CAP1: variants seen among roughly 807,000 people sequenced by gnomAD.
CAP1 encodes the protein adenylyl cyclase-associated protein 1.
CAP1 carries 11 observed loss-of-function variants against 58.2 expected under a neutral mutation model. The ratio of observed to expected loss-of-function variants is 0.19; its 90% confidence interval spans 0.12 to 0.31. The LOEUF (loss-of-function observed/expected upper bound fraction) is 0.31. Ranked by LOEUF, CAP1 falls within the 10% of genes least tolerant of loss-of-function variation. The probability of loss-of-function intolerance (pLI) is 1.00; values close to 1 mark genes in which losing one functional copy is unlikely to be tolerated. For missense variants in CAP1, 423 were observed against 587.5 expected, an observed-to-expected ratio of 0.72 and a Z score of 2.89; for synonymous variants, 183 against 213.8, an observed-to-expected ratio of 0.86 and a Z score of 1.26.
At chr1:40,070,074 C>T in intron 9 of CAP1, 85 bp from the exon 10 acceptor site, 1 of 1,581,228 alleles carries the variant, frequency 6.3e-7, no homozygotes, top group South Asian at 1.1e-5. Context: ...GCTTCAATTG[C>T]AAGAACAAAA....
At position 40,069,762 on chromosome 1, in the gene CAP1, G is replaced by A. The variant is rs35749351; in HGVS notation, c.881G>A (p.Arg294His). 4.6e-5 allele frequency: 74 copies of A among 1,613,394 alleles called. No homozygotes were observed. Among genetic ancestry groups the A allele is most frequent in the African/African-American group, 6.7e-5 (5 of 74,854 alleles). The change falls in exon 9 of 13, where the codon CGC becomes CAC. Residue 294 changes from arginine to histidine, a missense_variant. By Grantham distance (29) the Arg-to-His change is conservative (BLOSUM62 0). Transcript: ENST00000372805. ...CTGAAGGCTCAGAGTGGTCCAGTAC[G>A]CAGTGGCCCCAAACCATTCTCTGCA... The part of the protein sequence containing the change: ...PALKAQSGPV[R>H]SGPKPFSAPK...
In CAP1 at chr1:40,061,721, C is replaced by A. The variant is rs1557687961; in HGVS notation, c.217-14C>A. On this transcript the variant is annotated splice_polypyrimidine_tract_variant and intron_variant, in intron 3 of 12. Coordinates refer to ENST00000372805, the MANE Select transcript of CAP1 (RefSeq NM_006367.4). ...TATAATGTGTCATCAATAGCTGATT[C>A]TTCTTTCTGGCAGGCGGAGATGGTC... is the stretch of plus-strand genomic sequence containing the variant. The A allele has an allele frequency of 5.0e-6, 8 of 1,611,832 alleles. No individual in the cohort carries two copies. In the East Asian group the frequency reaches 8.9e-5, roughly 18 times the overall value.
At chr1:40,070,587 T>A (rs1467984362) in intron 11 of CAP1, 75 bp downstream of exon 11, 10 of 1,233,902 alleles carry the variant, frequency 8.1e-6, no homozygotes, top group Non-Finnish European at 1.2e-5. Flanking sequence ...CCCACAGATG[T>A]TGCTTTGGTG....
chr1:40,067,565 G>A lies in CAP1; in HGVS notation c.656G>A (p.Gly219Glu). Residue 219 changes from glycine to glutamate, a missense_variant, in exon 8 of 13, where the codon GGA becomes GAA. By Grantham distance (98) the Gly-to-Glu change is moderately conservative. Coordinates refer to ENST00000372805, the MANE Select transcript of CAP1 (RefSeq NM_006367.4). ...GGGCCTGTGGCAAAAGAACTGAGCG[G>A]ACTGCCATCTGGACCCTCTGCCGGA... ...KTGPVAKELS[G>E]LPSGPSAGSC... 3 of 1,609,986 alleles carry A rather than the reference G, an allele frequency of 1.9e-6. No individual in the cohort carries two copies. Among genetic ancestry groups the A allele is most frequent in the Non-Finnish European group, 1.7e-6 (2 of 1,178,074 alleles).
intron 11 of CAP1, 132 bp from the exon 12 acceptor site, chr1:40,070,704 G>A (rs1647764864): frequency 1.1e-6 from 1 of 891,108 alleles, no homozygotes; most frequent in African/African-American, 1.7e-5. Context: ...ACCCACCCGA[G>A]TATCCAGTGT....
At position 40,061,635 on chromosome 1, in the gene CAP1, G is replaced by GTTGCTATCAGAGTA; in HGVS notation, c.217-99_217-86dup. The GTTGCTATCAGAGTA allele has an allele frequency of 1.4e-5, 13 of 929,178 alleles. No individual in the cohort carries two copies. In the Admixed American group the frequency reaches 2.2e-4, roughly 16 times the overall value. The allele number at this position is 929,178 out of a possible 1,614,324, so 57.6% of individuals were successfully genotyped here. ...GAGGAGGATAACATGAAGTGCCTGG[G>GTTGCTATCAGAGTA]TTGCTATCAGAGTACATGGAAGTAG... On this transcript the variant is annotated intron_variant, in intron 3 of 12. Transcript: ENST00000372805.
rs542057202 is a variant in CAP1, at chr1:40,065,012, G to C, written c.524+453G>C. Among the ~76,000 whole-genome samples the C allele has an allele frequency of 2.6e-5, 4 of 152,326 alleles. No homozygotes were observed. The South Asian group carries it at 8.3e-4, about 32-fold the overall frequency. ...AGAGCTTTACAGATATTGTCTCACA[G>C]CTGCATTTGCAAGCAGGAAATACTT... is the stretch of plus-strand genomic sequence containing the variant. On this transcript the variant is annotated intron_variant, in intron 6 of 12. Transcript: ENST00000372805.
At chr1:40,052,758 A>G (rs1401270149) in intron 1 of CAP1, among the ~76,000 whole-genome samples, 1 of 152,096 alleles carries the variant, frequency 6.6e-6, no homozygotes, top group Non-Finnish European at 1.5e-5. Flanking sequence ...TGTGATTGAA[A>G]AAAAGTTGGC....
chr1:40,046,480 C>CA (rs77538985), intron 1 of CAP1, among the ~76,000 whole-genome samples: 4 of 151,728 alleles, frequency 2.6e-5, no homozygotes, highest in Non-Finnish European at 5.9e-5. Flanking sequence ...CAAAACAAAA[C>CA]AAAAAAAAAC....
chr1:40,064,065 G>T (rs184492252), intron 4 of CAP1, among the ~76,000 whole-genome samples, 162 bp from the exon 5 acceptor site: 96 of 152,330 alleles, frequency 6.3e-4, no homozygotes, highest in Non-Finnish European at 5.3e-4. Context: ...AGGAGAGTGA[G>T]ATGATGAGCA....
intron 2 of CAP1, 101 bp from the exon 3 acceptor site, chr1:40,059,966 T>C (rs1353483348): frequency 2.3e-6 from 2 of 870,194 alleles, no homozygotes; most frequent in Admixed American, 2.0e-5. Flanking sequence ...CTGTATCCTG[T>C]TGACTGTATT....
chr1:40,055,129 G>A (rs952647717), intron 1 of CAP1, among the ~76,000 whole-genome samples: 4 of 152,184 alleles, frequency 2.6e-5, no homozygotes, highest in Non-Finnish European at 4.4e-5. Flanking sequence ...AAGCAGAGTG[G>A]ATAGCATTAT....
chr1:40,068,273 A>AT (rs1467692303), intron 8 of CAP1, among the ~76,000 whole-genome samples: 6 of 151,976 alleles, frequency 3.9e-5, no homozygotes, highest in Non-Finnish European at 8.8e-5. Context: ...AATGTTTTTT[A>AT]TTTTTTTATT....
At chr1:40,062,059 T>G (rs541351151) in intron 4 of CAP1, among the ~76,000 whole-genome samples, 1 of 152,196 alleles carries the variant, frequency 6.6e-6, no homozygotes, top group Non-Finnish European at 1.5e-5. Flanking sequence ...CCTGGGACTT[T>G]GCTTGCCTGC....
At position 40,071,956 on chromosome 1, in the gene CAP1, G is replaced by A. The variant is rs1487493023; in HGVS notation, c.*423G>A. Reference sequence around the variant, plus strand: ...GCATGAAGGTAGCAGAAGCTGGTGTGTTTCCAGATGGTTCTTCTAACCAAA... The same window carrying A: ...GCATGAAGGTAGCAGAAGCTGGTGTATTTCCAGATGGTTCTTCTAACCAAA... On this transcript the variant is annotated 3_prime_UTR_variant, in exon 13 of 13. Transcript: ENST00000372805. The A allele has an allele frequency of 2.0e-5, 8 of 408,238 alleles. No individual in the cohort carries two copies. Among genetic ancestry groups the A allele is most frequent in the Non-Finnish European group, 3.5e-5 (8 of 230,730 alleles). The allele number at this position is 408,238 out of a possible 1,614,324, so 25.3% of individuals were successfully genotyped here.
intron 1 of CAP1, among the ~76,000 whole-genome samples, chr1:40,049,804 A>G (rs936994734): frequency 6.6e-6 from 1 of 152,162 alleles, no homozygotes; most frequent in Non-Finnish European, 1.5e-5. Flanking sequence ...ATTTCTGCCT[A>G]TAATGTCATT....
chr1:40,051,504 G>T (rs1646364865), intron 1 of CAP1, among the ~76,000 whole-genome samples: 1 of 152,168 alleles, frequency 6.6e-6, no homozygotes. Context: ...AGTGAGCTGT[G>T]AACACACCAT....
intron 11 of CAP1, 50 bp downstream of exon 11, chr1:40,070,562 A>G (rs1011819577): frequency 1.7e-5 from 24 of 1,403,596 alleles, no homozygotes; most frequent in Non-Finnish European, 2.4e-5. Context: ...AATTAATTCA[A>G]AGAGACATGG....
At position 40,071,790 on chromosome 1, in the gene CAP1, C is replaced by T. The variant is rs899363585; in HGVS notation, c.*257C>T. 1.8e-6 allele frequency: 1 copy of T among 542,960 alleles called. No individual in the cohort carries two copies. The highest frequency in any genetic ancestry group is 1.9e-5 in the African/African-American group (1 of 52,954). 33.6% of individuals were successfully genotyped at this position (542,960 alleles called of 1,614,324 possible). A position where few individuals can be genotyped will look rare whatever the true frequency, so the allele number is the denominator to read the frequency against. The stretch of plus-strand genomic sequence containing the variant: ...ACGCCGCCAGTCCATTCTTAAGGAA[C>T]TGCCGACTAGGACTGATGATGCATT... On this transcript the variant is annotated 3_prime_UTR_variant, in exon 13 of 13. Transcript: ENST00000372805.
Sources: allele counts gnomAD v4.1 joint callset (sites outside exome capture counted in the v4.1 genomes callset), GRCh38; gene constraint gnomAD v4.1.1; transcripts MANE v1.5; gene names NCBI Gene and HGNC (gene_info 2026-07-23, HGNC 2026-07-21).